IRGM: variants seen among roughly 807,000 people sequenced by gnomAD.
The protein encoded by IRGM is immunity related GTPase M.
For missense variants in IRGM, 288 were observed against 219.9 expected (o/e 1.31, Z -1.96); for synonymous variants, 98 against 80.6 (o/e 1.22, Z -1.16).
downstream of IRGM, among the ~76,000 whole-genome samples, chr5:150,901,964 G>C (rs10035986): frequency 6.6e-6 from 1 of 151,948 alleles, no homozygotes; most frequent in South Asian, 2.1e-4. Flanking sequence ...AAAGAAAAGC[G>C]CAAGAAAATA....
chr5:150,883,827 A>G (rs1047847518), intron 3 of IRGM, among the ~76,000 whole-genome samples: 7 of 152,054 alleles, frequency 4.6e-5, no homozygotes, highest in Admixed American at 2.0e-4. Flanking sequence ...AAATAGTACC[A>G]ATTCTTCTCA....
Position 150,863,609 on chromosome 5 carries a change from T to C in IRGM, c.159-14371T>C, listed in dbSNP as rs1754166507. Reference sequence around the variant, plus strand: ...TTAAATGAACAATTATAATTCTTCATAATACATAAATGCATCAGTTTGGAA... The same window carrying C: ...TTAAATGAACAATTATAATTCTTCACAATACATAAATGCATCAGTTTGGAA... On this transcript the variant is annotated intron_variant and NMD_transcript_variant, in intron 1 of 3. Transcript: ENST00000520549. Among the ~76,000 whole-genome samples, 4 of 152,186 alleles carry C rather than the reference T, an allele frequency of 2.6e-5. No homozygotes were observed. The South Asian group carries it at 8.3e-4, about 32-fold the overall frequency.
chr5:150,869,486 A>G (rs1190126935), intron 1 of IRGM, among the ~76,000 whole-genome samples: 1 of 152,044 alleles, frequency 6.6e-6, no homozygotes. Flanking sequence ...GGGTGATACT[A>G]ACTTCATAGA....
intron 1 of IRGM, among the ~76,000 whole-genome samples, chr5:150,855,018 A>C (rs1163408450): frequency 6.6e-6 from 1 of 152,120 alleles, no homozygotes; most frequent in African/African-American, 2.4e-5. Flanking sequence ...AGTTTCTATA[A>C]AGTTATTTAA....
intron 1 of IRGM, among the ~76,000 whole-genome samples, chr5:150,854,774 G>T (rs1388325605): frequency 2.6e-5 from 4 of 152,026 alleles, no homozygotes; most frequent in Admixed American, 6.5e-5. Context: ...ATTACAATTT[G>T]TCCACTATGG....
At position 150,865,403 on chromosome 5, in the gene IRGM, CTAAA is replaced by C. The variant is rs573409940; in HGVS notation, c.159-12574_159-12571del. Reference sequence around the variant, plus strand: ...CAAAATTTCATTAAATGTTAATAGACTAAATATTATGTAAAAGGCAAAGATTAGT... The same window carrying C: ...CAAAATTTCATTAAATGTTAATAGACTATTATGTAAAAGGCAAAGATTAGT... On this transcript the variant is annotated intron_variant and NMD_transcript_variant, in intron 1 of 3. Coordinates refer to the IRGM transcript ENST00000520549. Among the ~76,000 whole-genome samples, 5 of 147,694 alleles carry C rather than the reference CTAAA, an allele frequency of 3.4e-5. No individual in the cohort carries two copies. The East Asian group carries it at 9.3e-4, about 27-fold the overall frequency.
chr5:150,863,260 A>G (rs1166417900), intron 1 of IRGM, among the ~76,000 whole-genome samples: 1 of 152,230 alleles, frequency 6.6e-6, no homozygotes, highest in Non-Finnish European at 1.5e-5. Flanking sequence ...AGCTGCAGAA[A>G]AAAGTTTTAG....
intron 2 of IRGM, among the ~76,000 whole-genome samples, chr5:150,879,270 T>C (rs1381145638): frequency 2.0e-5 from 3 of 152,188 alleles, no homozygotes; most frequent in African/African-American, 7.2e-5. Context: ...GCTTACTTGC[T>C]TCCATCAGAA....
At chr5:150,895,743 C>T (rs769057700) in intron 3 of IRGM, 1 of 1,613,524 alleles carries the variant, frequency 6.2e-7, no homozygotes, top group South Asian at 1.1e-5. Context: ...GAAGGCTTTG[C>T]CACATTCACT....
Position 150,867,020 on chromosome 5 carries a change from C to CT in IRGM, c.159-10954dup, listed in dbSNP as rs376188831. ...TTTGAAATAACACATCTTTTTCTCT[C>CT]TTTTTTAAATTTCAGTAGGTTTTTG... On this transcript the variant is annotated intron_variant and NMD_transcript_variant, in intron 1 of 3. Transcript: ENST00000520549. Among the ~76,000 whole-genome samples, 265 of 152,200 alleles carry CT rather than the reference C, an allele frequency of 1.7e-3. 2 individuals are homozygous for CT. The highest frequency in any genetic ancestry group is 6.0e-3 in the African/African-American group (250 of 41,542).
At chr5:150,856,721 C>T (rs1457066493) in intron 1 of IRGM, among the ~76,000 whole-genome samples, 2 of 151,392 alleles carry the variant, frequency 1.3e-5, no homozygotes, top group African/African-American at 2.4e-5. Flanking sequence ...CCACCTGCCT[C>T]GGCCTCCCAA....
downstream of IRGM, among the ~76,000 whole-genome samples, chr5:150,852,184 C>T (rs530087549): frequency 2.0e-4 from 31 of 152,062 alleles, no homozygotes; most frequent in Non-Finnish European, 3.7e-4. Flanking sequence ...GTTTGACCTC[C>T]GTGGTAGCGT....
At position 150,848,372 on chromosome 5, in the gene IRGM, T is replaced by C; in HGVS notation, c.249T>C (p.Phe83=). Residue 83 remains phenylalanine, a synonymous_variant, in exon 2 of 2, where the codon TTT becomes TTC. Transcript: ENST00000522154. The part of the protein sequence containing the change: ...QRCASYFSSH[F]SNVVLWDLPG... Reference sequence around the variant, plus strand: ...GTGCCTCCTATTTCTCTTCCCACTTTTCAAATGTGGTGTTGTGGGACCTGC... The same window carrying C: ...GTGCCTCCTATTTCTCTTCCCACTTCTCAAATGTGGTGTTGTGGGACCTGC... The C allele has an allele frequency of 1.9e-6, 3 of 1,551,842 alleles. No individual in the cohort carries two copies. Among genetic ancestry groups the C allele is most frequent in the Non-Finnish European group, 2.6e-6 (3 of 1,146,990 alleles).
At chr5:150,881,874 A>T (rs7732643) in intron 3 of IRGM, among the ~76,000 whole-genome samples, 32,147 of 151,968 alleles carry the variant, frequency 0.21, 5,533 homozygotes, top group African/African-American at 0.46. Context: ...CTATATTACT[A>T]ACACAAAAGA....
intron 1 of IRGM, among the ~76,000 whole-genome samples, chr5:150,874,596 A>G (rs11958146): frequency 0.2 from 30,953 of 152,178 alleles, 4,991 homozygotes; most frequent in East Asian, 0.43. Flanking sequence ...CATTTATTGA[A>G]TGACCCAAAA....
At chr5:150,883,002 A>G (rs1754467651) in intron 3 of IRGM, among the ~76,000 whole-genome samples, 1 of 152,154 alleles carries the variant, frequency 6.6e-6, no homozygotes. Flanking sequence ...AAGGATTAAA[A>G]TTATTTCAAT....
chr5:150,876,151 C>T (rs190937506), intron 1 of IRGM, among the ~76,000 whole-genome samples: 371 of 152,330 alleles, frequency 2.4e-3, no homozygotes, highest in African/African-American at 8.3e-3. Flanking sequence ...TGAAGTCACA[C>T]TTACAACACC....
intron 1 of IRGM, among the ~76,000 whole-genome samples, chr5:150,861,747 G>A (rs1754139486): frequency 1.3e-5 from 2 of 152,158 alleles, no homozygotes; most frequent in African/African-American, 2.4e-5. Flanking sequence ...AATTTTGGAT[G>A]CATCCTTTAA....
chr5:150,856,840 T>G (rs868641080), intron 1 of IRGM, among the ~76,000 whole-genome samples: 2 of 148,618 alleles, frequency 1.3e-5, no homozygotes, highest in Non-Finnish European at 3.0e-5. Flanking sequence ...CATTTTCTTT[T>G]TTTATTTTAT....
Sources: allele counts gnomAD v4.1 joint callset (sites outside exome capture counted in the v4.1 genomes callset), GRCh38; gene constraint gnomAD v4.1.1; transcripts MANE v1.5; gene names NCBI Gene and HGNC (gene_info 2026-07-23, HGNC 2026-07-21).